Variants in CCDC197 observed in about 807,000 individuals in gnomAD.
The protein encoded by CCDC197 is uncharacterized protein CCDC197.
In CCDC197, 24 loss-of-function variants were observed where a neutral mutation model predicts 13.4. That is an observed-to-expected ratio of 1.80 (90% CI 1.30 to 2.53). CCDC197 has a LOEUF of 2.53. Ranked by LOEUF, CCDC197 falls within the 30% of genes most tolerant of loss-of-function variation. The pLI is 0.00. For synonymous variants in CCDC197, 99 were observed against 55.5 expected (o/e 1.78, Z -3.48); for missense variants, 255 against 148.8 (o/e 1.71, Z -3.71).
rs183456356 is a variant in CCDC197, at chr14:93,998,352, G to A, written c.104+117G>A. 1,033 of 674,816 alleles carry A rather than the reference G, an allele frequency of 1.5e-3. 4 individuals carry two copies. Among genetic ancestry groups the A allele is most frequent in the Non-Finnish European group, 2.3e-3 (856 of 368,310 alleles). The allele number at this position is 674,816 out of a possible 1,614,324, so 41.8% of individuals were successfully genotyped here. The stretch of plus-strand genomic sequence containing the variant: ...GCCAGGACAGGGGGTGGATGAGGAG[G>A]GCAGTGTGGCTTGGAAGCAAATGGG... On this transcript the variant is annotated intron_variant, in intron 2 of 6. Coordinates refer to ENST00000636493, the MANE Select transcript of CCDC197 (RefSeq NM_001351596.2).
chr14:93,991,219 C>T (rs1403210999), intron 1 of CCDC197, among the ~76,000 whole-genome samples: 1 of 152,140 alleles, frequency 6.6e-6, no homozygotes, highest in Non-Finnish European at 1.5e-5. Flanking sequence ...GTCACAGTGA[C>T]CCAGAGGTGG....
At chr14:93,987,309 T>A (rs1182826740) in exon 1 of CCDC197, 1 of 152,314 alleles carries the variant, frequency 6.6e-6, no homozygotes, top group African/African-American at 2.4e-5. Context: ...TACCCAGAGG[T>A]CTGGTTTCTG....
intron 1 of CCDC197, among the ~76,000 whole-genome samples, chr14:93,990,874 T>C (rs1335918590): frequency 6.6e-6 from 1 of 152,200 alleles, no homozygotes; most frequent in Non-Finnish European, 1.5e-5. Context: ...GCTTTACGTA[T>C]ACCAGCTAAT....
chr14:93,987,624 C>T (rs1210295317), intron 1 of CCDC197, among the ~76,000 whole-genome samples: 1 of 152,176 alleles, frequency 6.6e-6, no homozygotes, highest in African/African-American at 2.4e-5. Flanking sequence ...GGGCCAGCAG[C>T]CTGGCTCCCT....
At chr14:93,989,309 G>A (rs576256085) in intron 1 of CCDC197, among the ~76,000 whole-genome samples, 1 of 152,262 alleles carries the variant, frequency 6.6e-6, no homozygotes, top group South Asian at 2.1e-4. Context: ...AGGATAAGAA[G>A]CACAGACTGT....
At chr14:94,010,470 C>T (rs973312263), downstream of CCDC197, among the ~76,000 whole-genome samples, 2 of 152,222 alleles carry the variant, frequency 1.3e-5, no homozygotes, top group African/African-American at 2.4e-5. Context: ...TCCCAAAGTG[C>T]TGGGATTACA....
upstream of CCDC197, among the ~76,000 whole-genome samples, chr14:93,994,362 G>A (rs79595359): frequency 0.034 from 5,110 of 152,212 alleles, 171 homozygotes; most frequent in African/African-American, 0.089. Context: ...AAGTTACTTC[G>A]CCTCATAGAC....
chr14:93,990,421 C>A (rs986775334), intron 1 of CCDC197, among the ~76,000 whole-genome samples: 2 of 152,186 alleles, frequency 1.3e-5, no homozygotes, highest in Admixed American at 1.3e-4. Flanking sequence ...CATCAGGAAT[C>A]CATAAAAAAT....
At chr14:94,008,251 C>T (rs192037428) in intron 6 of CCDC197, among the ~76,000 whole-genome samples, 1 of 152,208 alleles carries the variant, frequency 6.6e-6, no homozygotes, top group Non-Finnish European at 1.5e-5. Flanking sequence ...GATGGAGGCC[C>T]ATCTGGTCCT....
At chr14:93,987,594 G>A (rs1329618567) in intron 1 of CCDC197, among the ~76,000 whole-genome samples, 2 of 152,158 alleles carry the variant, frequency 1.3e-5, no homozygotes, top group Non-Finnish European at 2.9e-5. Flanking sequence ...AGTGGCTGGC[G>A]TGGGGTTGGT....
At chr14:93,987,522 C>T (rs1303647598) in intron 1 of CCDC197, 1 of 152,704 alleles carries the variant, frequency 6.5e-6, no homozygotes, top group East Asian at 1.9e-4. Context: ...CCATCTGTGT[C>T]TGGCCTGTTG....
chr14:93,993,851 C>T (rs548460217), upstream of CCDC197, among the ~76,000 whole-genome samples: 2 of 152,326 alleles, frequency 1.3e-5, no homozygotes, highest in Admixed American at 1.3e-4. Context: ...TTGTCCAAGG[C>T]CCAGGGGGTA....
chr14:93,994,315 A>G (rs1396014686), upstream of CCDC197, among the ~76,000 whole-genome samples: 1 of 152,218 alleles, frequency 6.6e-6, no homozygotes, highest in Non-Finnish European at 1.5e-5. Context: ...CTGTGTAGCC[A>G]GCCCTGTTAC....
upstream of CCDC197, among the ~76,000 whole-genome samples, chr14:93,994,853 G>A (rs1890255416): frequency 6.6e-6 from 1 of 152,220 alleles, no homozygotes; most frequent in African/African-American, 2.4e-5. Context: ...AACCAGAGGT[G>A]CTAATGGAGT....
intron 1 of CCDC197, among the ~76,000 whole-genome samples, chr14:93,989,062 T>G (rs558459179): frequency 6.6e-6 from 1 of 152,052 alleles, no homozygotes; most frequent in East Asian, 1.9e-4. Context: ...CTGCAATGTT[T>G]GGGGTCCATG....
Position 93,998,012 on chromosome 14 carries a change from C to T in CCDC197, c.-120C>T. ...CTTTTCTGTGAGGTGGGGATGCTAACCCTGGCTTCCAAGGATCTGAAGAGG... is the reference window on the plus strand; with the variant it reads ...CTTTTCTGTGAGGTGGGGATGCTAATCCTGGCTTCCAAGGATCTGAAGAGG... On this transcript the variant is annotated 5_prime_UTR_variant, in exon 2 of 7. Transcript: ENST00000636493. 1 of 666,866 alleles carries T rather than the reference C, an allele frequency of 1.5e-6. No individual in the cohort carries two copies. Among genetic ancestry groups the T allele is most frequent in the Non-Finnish European group, 2.7e-6 (1 of 363,870 alleles). The allele number at this position is 666,866 out of a possible 1,614,324, so 41.3% of individuals were successfully genotyped here. A position where few individuals can be genotyped will look rare whatever the true frequency, so the allele number is the denominator to read the frequency against.
chr14:94,006,397 G>A (rs1890680500), intron 6 of CCDC197, among the ~76,000 whole-genome samples: 1 of 151,062 alleles, frequency 6.6e-6, no homozygotes. Flanking sequence ...CTCTTGCCCA[G>A]GCTGGAGTGC....
At chr14:93,988,861 G>A (rs1478308471) in intron 1 of CCDC197, among the ~76,000 whole-genome samples, 10 of 142,250 alleles carry the variant, frequency 7.0e-5, no homozygotes, top group African/African-American at 2.6e-4. Flanking sequence ...GGGAGGAGGG[G>A]ATGGAAGGAG....
Position 93,997,499 on chromosome 14 carries a change from G to C in CCDC197, c.-206G>C, listed in dbSNP as rs762004186. 1 of 152,762 alleles carries C rather than the reference G, an allele frequency of 6.5e-6. No homozygotes were observed. The highest frequency in any genetic ancestry group is 1.5e-5 in the Non-Finnish European group (1 of 68,502). The allele number at this position is 152,762 out of a possible 1,614,324, so 9.5% of individuals were successfully genotyped here. On this transcript the variant is annotated 5_prime_UTR_variant, in exon 1 of 7. Transcript: ENST00000636493. ...TTGCAAGACCGTGTTGAAGCTACTT[G>C]TAACTAGACCATTTTCCCAGCTTGA...
Sources: allele counts gnomAD v4.1 joint callset (sites outside exome capture counted in the v4.1 genomes callset), GRCh38; gene constraint gnomAD v4.1.1; transcripts MANE v1.5; gene names NCBI Gene and HGNC (gene_info 2026-07-23, HGNC 2026-07-21).